DPF3: variants seen among roughly 807,000 people sequenced by gnomAD.
The protein encoded by DPF3 is double PHD fingers 3.
DPF3 carries 18 observed loss-of-function variants against 56.8 expected under a neutral mutation model. The ratio of observed to expected loss-of-function variants is 0.32; its 90% confidence interval spans 0.22 to 0.47. DPF3 has a LOEUF of 0.47. Ranked by LOEUF, DPF3 falls within the 20% of genes least tolerant of loss-of-function variation. DPF3 has a pLI of 1.00. For missense variants in DPF3, 403 were observed against 488.8 expected (o/e 0.82, Z 1.65); for synonymous variants, 188 against 180.2 (o/e 1.04, Z -0.35).
chr14:72,768,933 CTG>C (rs10543093), intron 2 of DPF3, among the ~76,000 whole-genome samples: 11,166 of 146,326 alleles, frequency 0.076, 548 homozygotes, highest in Admixed American at 0.14. Flanking sequence ...GTGTGAGTGT[CTG>C]TGTGTGTGTG....
intron 8 of DPF3, among the ~76,000 whole-genome samples, chr14:72,660,725 A>C (rs1182824697): frequency 1.3e-5 from 2 of 152,208 alleles, no homozygotes; most frequent in East Asian, 3.9e-4. Flanking sequence ...TCAGGCTTTC[A>C]ATCCATCAAT....
intron 1 of DPF3, chr14:72,879,900 G>A (rs1178644928): frequency 6.6e-7 from 1 of 1,518,606 alleles, no homozygotes; most frequent in Admixed American, 2.1e-5. Context: ...CTATATGCGT[G>A]TTTTCCGGGG....
chr14:72,855,851 G>A lies in DPF3; in HGVS notation c.32+38206C>T, dbSNP rs117914834. ...TCTTAGCTGAGAACTCATACCTTTC[G>A]GGCTTTCATTGGCTTGAGGCATGAG... On this transcript the variant is annotated intron_variant, in intron 1 of 10. Coordinates refer to ENST00000556509, the MANE Select transcript of DPF3 (RefSeq NM_001280542.3). Among the ~76,000 whole-genome samples, 446 of 152,252 alleles carry A rather than the reference G, an allele frequency of 2.9e-3. 1 individual carries two copies. Among genetic ancestry groups the A allele is most frequent in the Non-Finnish European group, 5.1e-3 (344 of 68,020 alleles).
intron 1 of DPF3, among the ~76,000 whole-genome samples, chr14:72,798,539 C>T (rs1892732137): frequency 6.6e-6 from 1 of 152,208 alleles, no homozygotes; most frequent in Admixed American, 6.5e-5. Context: ...CTGAGGATTA[C>T]ATGTGACCAA....
intron 6 of DPF3, among the ~76,000 whole-genome samples, chr14:72,713,364 G>A (rs556916882): frequency 2.6e-5 from 4 of 152,336 alleles, no homozygotes; most frequent in African/African-American, 7.2e-5. Context: ...AGAGGCCAGT[G>A]AAGGGGGAGA....
chr14:72,612,635 G>A lies in DPF3; in HGVS notation c.*6662C>T, dbSNP rs1272268853. ...GGAGGAGAATCAGGGTCTCAGTGGG[G>A]AGTAGACATGGAAGGGCAAACCAAG... On this transcript the variant is annotated 3_prime_UTR_variant, in exon 11 of 11. Coordinates refer to ENST00000556509, the MANE Select transcript of DPF3 (RefSeq NM_001280542.3). 1 of 518,604 alleles carries A rather than the reference G, an allele frequency of 1.9e-6. No individual in the cohort carries two copies. 32.1% of individuals were successfully genotyped at this position (518,604 alleles called of 1,614,324 possible). A position where few individuals can be genotyped will look rare whatever the true frequency, so the allele number is the denominator to read the frequency against.
At chr14:72,658,658 A>G (rs1886122107) in intron 8 of DPF3, among the ~76,000 whole-genome samples, 2 of 152,224 alleles carry the variant, frequency 1.3e-5, no homozygotes, top group Non-Finnish European at 2.9e-5. Context: ...AATCATCCCT[A>G]ACATGTGCTG....
At chr14:72,710,728 C>T (rs145584873) in intron 6 of DPF3, among the ~76,000 whole-genome samples, 85 of 152,316 alleles carry the variant, frequency 5.6e-4, no homozygotes, top group African/African-American at 1.9e-3. Flanking sequence ...CCACAATGTC[C>T]TATTCAGTTG....
chr14:72,806,735 C>T (rs1277145479), intron 1 of DPF3: 1 of 152,154 alleles, frequency 6.6e-6, no homozygotes, highest in Non-Finnish European at 1.5e-5. Flanking sequence ...CCTAGTTCTC[C>T]CCTCCCTGCC....
chr14:72,833,521 G>A (rs1351854263), intron 1 of DPF3, among the ~76,000 whole-genome samples: 1 of 152,072 alleles, frequency 6.6e-6, no homozygotes, highest in Non-Finnish European at 1.5e-5. Flanking sequence ...GTCAGCCAGA[G>A]AATTGGGGGC....
chr14:72,863,698 G>A (rs1409014095), intron 1 of DPF3, among the ~76,000 whole-genome samples: 1 of 152,128 alleles, frequency 6.6e-6, no homozygotes, highest in African/African-American at 2.4e-5. Context: ...CCTACTGTGT[G>A]CCCAGCAGAC....
chr14:72,865,218 A>G (rs1157118061), intron 1 of DPF3, among the ~76,000 whole-genome samples: 1 of 152,222 alleles, frequency 6.6e-6, no homozygotes, highest in African/African-American at 2.4e-5. Flanking sequence ...GCTAGAGACT[A>G]TGGACGCTGC....
chr14:72,776,750 G>C (rs1178843363), intron 1 of DPF3, among the ~76,000 whole-genome samples: 1 of 152,016 alleles, frequency 6.6e-6, no homozygotes, highest in East Asian at 1.9e-4. Context: ...CTGGTTCTGT[G>C]CTCTGACCTG....
Position 72,723,087 on chromosome 14 carries a change from C to T in DPF3, c.525+546G>A, listed in dbSNP as rs184518001. On this transcript the variant is annotated intron_variant, in intron 5 of 10. Transcript: ENST00000556509. ...TTTTAGGGTACATGTGCACAATGTA[C>T]GGGTTAGTTACATATGCATACATGT... Among the ~76,000 whole-genome samples the T allele has an allele frequency of 7.2e-5, 11 of 151,854 alleles. No homozygotes were observed. The East Asian group carries it at 7.7e-4, about 11-fold the overall frequency.
At chr14:72,800,014 C>G (rs778287582) in intron 1 of DPF3, among the ~76,000 whole-genome samples, 3 of 152,172 alleles carry the variant, frequency 2.0e-5, no homozygotes, top group Admixed American at 1.3e-4. Flanking sequence ...TGTGCTTAAG[C>G]ACTATGAGTT....
In DPF3 at chr14:72,771,823, G is replaced by C; in HGVS notation, c.103C>G (p.Arg35Gly). The C allele has an allele frequency of 1.9e-6, 3 of 1,613,698 alleles. No homozygotes were observed. The highest frequency in any genetic ancestry group is 2.5e-6 in the Non-Finnish European group (3 of 1,179,746). The change falls in exon 2 of 11, where the codon CGC becomes GGC. Residue 35 changes from arginine to glycine, a missense_variant. Around this residue, in one of 2 missense-constraint regions of DPF3, gnomAD observed 340 missense variants for 374.3 expected, o/e 0.91. Transcript: ENST00000556509. ...TCCAGGAAGGGAAGACGCACGCTGC[G>C]CTCTGCACACAGCCGTGAGTTGTAA... is the stretch of plus-strand genomic sequence containing the variant. ...RSYNSRLCAE[R>G]SVRLPFLDSQ...
At chr14:72,831,398 A>G (rs906189652) in intron 1 of DPF3, among the ~76,000 whole-genome samples, 5 of 152,288 alleles carry the variant, frequency 3.3e-5, no homozygotes, top group Non-Finnish European at 5.9e-5. Flanking sequence ...AACCAGACAC[A>G]GTCCTGGACA....
chr14:72,836,823 G>A (rs751301848), intron 1 of DPF3, among the ~76,000 whole-genome samples: 1 of 151,918 alleles, frequency 6.6e-6, no homozygotes, highest in East Asian at 1.9e-4. Context: ...AACAGGAGAC[G>A]GCTGTGTGGA....
At chr14:72,620,703 C>A (rs555693647) in intron 9 of DPF3, among the ~76,000 whole-genome samples, 20 of 152,378 alleles carry the variant, frequency 1.3e-4, no homozygotes, top group Admixed American at 1.2e-3. Context: ...TCAAGCACTT[C>A]TTTTCCACAA....
Sources: gnomAD v4.1 joint callset for allele counts (sites outside exome capture counted in the v4.1 genomes callset) on GRCh38, gnomAD v4.1.1 for gene constraint, gnomAD v4.1.1 regional missense constraint, MANE v1.5 for transcripts, NCBI Gene and HGNC (gene_info 2026-07-23, HGNC 2026-07-21) for gene names.